The following AGMO variants were observed in gnomAD, a reference collection of about 807,000 sequenced individuals.
The protein encoded by AGMO is glyceryl-ether monooxygenase.
Under a neutral mutation model 60.2 loss-of-function variants are expected in AGMO, and 75 were observed. The observed-to-expected ratio is 1.25, with a 90% CI of 1.03 to 1.51. The LOEUF (loss-of-function observed/expected upper bound fraction) is 1.51, where lower values mean the gene tolerates loss of function less well. Ranked by LOEUF, AGMO falls within the 40% of genes most tolerant of loss-of-function variation. The pLI, the probability that AGMO is intolerant of heterozygous loss-of-function variation, is 0.00. For missense variants in AGMO, 763 were observed against 525.5 expected, an observed-to-expected ratio of 1.45 and a Z score of -4.42; for synonymous variants, 261 against 177.1, an observed-to-expected ratio of 1.47 and a Z score of -3.76.
intron 12 of AGMO, among the ~76,000 whole-genome samples, chr7:15,301,689 A>G (rs1301305306): frequency 6.6e-6 from 1 of 152,186 alleles, no homozygotes; most frequent in Non-Finnish European, 1.5e-5. Context: ...AAATGTTTTA[A>G]TTTTCATTTC....
chr7:15,407,375 A>G (rs1167425963), intron 5 of AGMO, among the ~76,000 whole-genome samples: 1 of 151,416 alleles, frequency 6.6e-6, no homozygotes, highest in Non-Finnish European at 1.5e-5. Flanking sequence ...ATTATTTTAC[A>G]TAGAACAAGA....
chr7:15,412,234 A>G (rs1780634785), intron 5 of AGMO, among the ~76,000 whole-genome samples: 1 of 152,082 alleles, frequency 6.6e-6, no homozygotes, highest in Non-Finnish European at 1.5e-5. Flanking sequence ...TTTACTATTT[A>G]GGTATCTCAT....
intron 12 of AGMO, among the ~76,000 whole-genome samples, chr7:15,261,799 C>G (rs1397104490): frequency 6.6e-6 from 1 of 151,824 alleles, no homozygotes; most frequent in Admixed American, 6.6e-5. Context: ...AAAGATAATC[C>G]ACCATGATCA....
At chr7:15,534,580 T>C (rs371922354) in intron 3 of AGMO, among the ~76,000 whole-genome samples, 31 of 152,076 alleles carry the variant, frequency 2.0e-4, no homozygotes, top group East Asian at 1.2e-3. Flanking sequence ...AACTAAAACG[T>C]TCATTTTCCT....
At chr7:15,395,453 A>G (rs914541189) in intron 5 of AGMO, among the ~76,000 whole-genome samples, 6 of 151,330 alleles carry the variant, frequency 4.0e-5, no homozygotes, top group Non-Finnish European at 8.8e-5. Context: ...ACAAAAATTT[A>G]TAATAAACAG....
At chr7:15,174,611 T>C in the AGMO span, among the ~76,000 whole-genome samples, 35 of 152,062 alleles carry the variant, frequency 2.3e-4, 1 homozygote, top group East Asian at 6.4e-3. Context: ...TATACTCCCA[T>C]AGAAATGCAT....
chr7:15,194,788 G>T, the AGMO span, among the ~76,000 whole-genome samples: 29 of 152,240 alleles, frequency 1.9e-4, no homozygotes, highest in East Asian at 5.6e-3. Flanking sequence ...CCAAGCCAAG[G>T]TTTCCTAGTG....
chr7:15,417,927 T>A (rs2128494098), intron 5 of AGMO, among the ~76,000 whole-genome samples: 1 of 152,296 alleles, frequency 6.6e-6, no homozygotes, highest in African/African-American at 2.4e-5. Context: ...TTTGGTATTT[T>A]AGCAATAGGA....
At chr7:15,135,539 C>T in the AGMO span, among the ~76,000 whole-genome samples, 1 of 152,048 alleles carries the variant, frequency 6.6e-6, no homozygotes, top group Non-Finnish European at 1.5e-5. Flanking sequence ...TCAAAAACTG[C>T]ATATTTAAAT....
At chr7:15,389,083 G>A (rs994315244) in intron 8 of AGMO, among the ~76,000 whole-genome samples, 2 of 152,096 alleles carry the variant, frequency 1.3e-5, no homozygotes, top group African/African-American at 2.4e-5. Flanking sequence ...AATTATAAAT[G>A]CCGTTTTCCT....
the AGMO span, among the ~76,000 whole-genome samples, chr7:15,188,935 G>T: frequency 6.6e-6 from 1 of 152,110 alleles, no homozygotes; most frequent in African/African-American, 2.4e-5. Context: ...GAGAATCGGA[G>T]GAGATAAATT....
At chr7:15,296,514 A>G (rs536043994) in intron 12 of AGMO, among the ~76,000 whole-genome samples, 1 of 152,278 alleles carries the variant, frequency 6.6e-6, no homozygotes, top group East Asian at 1.9e-4. Context: ...CATCCTTTCC[A>G]AGAGAAGACA....
rs1419184610 is a variant in AGMO, at chr7:15,315,343, T to C, written c.1263+50171A>G. 3.0e-5 allele frequency among the ~76,000 whole-genome samples: 4 copies of C among 132,066 alleles called. No homozygotes were observed. The East Asian group carries it at 6.4e-4, about 21-fold the overall frequency. 86.6% of individuals were successfully genotyped at this position (132,066 alleles called of 152,430 possible). A position where few individuals can be genotyped will look rare whatever the true frequency, so the allele number is the denominator to read the frequency against. On this transcript the variant is annotated intron_variant, in intron 12 of 12. Coordinates refer to ENST00000342526, the MANE Select transcript of AGMO (RefSeq NM_001004320.2). Reference sequence around the variant, plus strand: ...TGGATATTTGCTTTTTTTTTTTTTTTTTTTTTTTTTTTTGAGACAGAGTCT... The same window carrying C: ...TGGATATTTGCTTTTTTTTTTTTTTCTTTTTTTTTTTTTGAGACAGAGTCT...
At chr7:15,178,549 G>C in the AGMO span, among the ~76,000 whole-genome samples, 2 of 151,912 alleles carry the variant, frequency 1.3e-5, no homozygotes, top group African/African-American at 4.8e-5. Flanking sequence ...TTGTTTTGCT[G>C]CTTTTTTTCC....
intron 12 of AGMO, among the ~76,000 whole-genome samples, chr7:15,328,036 A>C (rs1487670026): frequency 6.6e-6 from 1 of 151,942 alleles, no homozygotes; most frequent in Non-Finnish European, 1.5e-5. Flanking sequence ...TCAGCCTCCC[A>C]AAGTGCTGGG....
intron 12 of AGMO, among the ~76,000 whole-genome samples, chr7:15,330,427 C>G (rs1396494612): frequency 6.6e-6 from 1 of 152,156 alleles, no homozygotes; most frequent in Non-Finnish European, 1.5e-5. Context: ...GCTAATTTCA[C>G]TGTCAAAAAC....
intron 12 of AGMO, among the ~76,000 whole-genome samples, chr7:15,282,277 C>T (rs373003086): frequency 6.6e-6 from 1 of 151,738 alleles, no homozygotes; most frequent in African/African-American, 2.4e-5. Flanking sequence ...GAATATTAAG[C>T]TACTCAAGGA....
chr7:15,160,585 G>A, the AGMO span, among the ~76,000 whole-genome samples: 1 of 151,770 alleles, frequency 6.6e-6, no homozygotes, highest in Non-Finnish European at 1.5e-5. Context: ...AACTTAAAAG[G>A]ATATAATTTA....
intron 12 of AGMO, among the ~76,000 whole-genome samples, chr7:15,230,401 A>C (rs908873165): frequency 6.6e-6 from 1 of 152,110 alleles, no homozygotes; most frequent in Non-Finnish European, 1.5e-5. Flanking sequence ...ATCCTACTTG[A>C]ATCTAGGCAA....
Sources: allele counts gnomAD v4.1 joint callset (sites outside exome capture counted in the v4.1 genomes callset), GRCh38; gene constraint gnomAD v4.1.1; transcripts MANE v1.5; gene names NCBI Gene and HGNC (gene_info 2026-07-23, HGNC 2026-07-21).